STPG2: variants seen among roughly 807,000 people sequenced by gnomAD.
STPG2 encodes the protein sperm tail PG-rich repeat containing 2.
In STPG2, 56 loss-of-function variants were observed where a neutral mutation model predicts 54.2. The observed-to-expected ratio is 1.03, with a 90% CI of 0.83 to 1.29. The LOEUF is 1.29. Among genes scored for constraint, STPG2 ranks in the 50% most tolerant of loss-of-function variants. The pLI, the probability that STPG2 is intolerant of heterozygous loss-of-function variation, is 0.00. For missense variants in STPG2, 596 were observed against 544.9 expected, an observed-to-expected ratio of 1.09 and a Z score of -0.93; for synonymous variants, 200 against 181.8, an observed-to-expected ratio of 1.10 and a Z score of -0.81.
chr4:98,072,519 G>A (rs1314371999), intron 5 of STPG2, among the ~76,000 whole-genome samples: 1 of 151,212 alleles, frequency 6.6e-6, no homozygotes, highest in African/African-American at 2.4e-5. Context: ...TAACAAACCT[G>A]CACATCCTGC....
chr4:97,972,239 T>C (rs756211736), intron 7 of STPG2, 41 bp downstream of exon 7: 2 of 1,335,678 alleles, frequency 1.5e-6, no homozygotes, highest in South Asian at 1.6e-5. Context: ...AAGAGCTTGA[T>C]ATTCAACATA....
chr4:98,120,732 C>T (rs983309916), intron 3 of STPG2, among the ~76,000 whole-genome samples: 2 of 152,054 alleles, frequency 1.3e-5, no homozygotes, highest in Non-Finnish European at 2.9e-5. Flanking sequence ...CTGTTCATGT[C>T]CTTTGCCCCT....
At chr4:97,844,564 A>G (rs1471871608) in intron 8 of STPG2, among the ~76,000 whole-genome samples, 4 of 151,984 alleles carry the variant, frequency 2.6e-5, no homozygotes, top group Admixed American at 1.3e-4. Context: ...TTTCCACTAT[A>G]TAAGTTTCCT....
intron 9 of STPG2, among the ~76,000 whole-genome samples, chr4:97,757,803 T>A (rs556401788): frequency 6.6e-6 from 1 of 152,290 alleles, no homozygotes; most frequent in Non-Finnish European, 1.5e-5. Context: ...AGACAATAGC[T>A]TGAATAAGTT....
chr4:97,729,515 A>C (rs1724731553), intron 9 of STPG2, among the ~76,000 whole-genome samples: 1 of 152,198 alleles, frequency 6.6e-6, no homozygotes, highest in South Asian at 2.1e-4. Context: ...AATATATTAG[A>C]AACTGAATTT....
intron 10 of STPG2, among the ~76,000 whole-genome samples, chr4:97,666,048 A>T (rs564158969): frequency 6.6e-6 from 1 of 152,246 alleles, no homozygotes; most frequent in South Asian, 2.1e-4. Flanking sequence ...CAGCAATGGC[A>T]TGGGTGGCTG....
rs114783682 is a variant in STPG2, at chr4:97,843,981, T to C, written c.1045-3049A>G. 9.1e-3 allele frequency among the ~76,000 whole-genome samples: 1,386 copies of C among 151,794 alleles called. 20 individuals carry two copies. Among genetic ancestry groups the C allele is most frequent in the African/African-American group, 0.031 (1,285 of 41,482 alleles). On this transcript the variant is annotated intron_variant, in intron 8 of 10. Transcript: ENST00000295268. ...ATTCAGAATTTCCAACTGAATGAAA[T>C]TGGAAAAACTGTGAATTTGTATGAA...
intron 7 of STPG2, among the ~76,000 whole-genome samples, chr4:97,960,361 A>G (rs946393739): frequency 6.6e-6 from 1 of 152,134 alleles, no homozygotes; most frequent in African/African-American, 2.4e-5. Context: ...CAATCAGACA[A>G]CAGAAAGAAA....
At position 97,492,390 on chromosome 4, in the gene STPG2, C is replaced by G. The variant is rs80245772; in HGVS notation, c.462+220309G>C. On this transcript the variant is annotated intron_variant, in intron 4 of 4. Coordinates refer to the STPG2 transcript ENST00000522676. ...AATATAAACATCAAGGAGAGGGGCA[C>G]TCTTTCTCCCTGACTCCTCAGAAGT... 4.6e-5 allele frequency among the ~76,000 whole-genome samples: 7 copies of G among 151,622 alleles called. No individual in the cohort carries two copies. In the East Asian group the frequency reaches 1.4e-3, roughly 30 times the overall value.
At chr4:97,900,330 A>G (rs1350424789) in intron 8 of STPG2, among the ~76,000 whole-genome samples, 2 of 152,178 alleles carry the variant, frequency 1.3e-5, no homozygotes, top group Non-Finnish European at 2.9e-5. Flanking sequence ...ATGGGAGTGT[A>G]AATTAGTTCA....
chr4:97,548,086 A>G (rs1487888253), intron 4 of STPG2, among the ~76,000 whole-genome samples: 4 of 152,052 alleles, frequency 2.6e-5, no homozygotes, highest in Non-Finnish European at 4.4e-5. Context: ...CGAGGCGGAG[A>G]TTGTGGTGAG....
intron 9 of STPG2, among the ~76,000 whole-genome samples, chr4:97,821,308 G>C (rs2149104844): frequency 6.6e-6 from 1 of 152,230 alleles, no homozygotes; most frequent in Non-Finnish European, 1.5e-5. Flanking sequence ...CTAAATCCAG[G>C]GCAAACTGCA....
chr4:97,894,358 G>A (rs1013067720), intron 8 of STPG2, among the ~76,000 whole-genome samples: 1 of 151,834 alleles, frequency 6.6e-6, no homozygotes, highest in Non-Finnish European at 1.5e-5. Flanking sequence ...AAAATACAAT[G>A]TAGTACAATT....
intron 5 of STPG2, among the ~76,000 whole-genome samples, chr4:98,063,711 A>C (rs1560662125): frequency 6.6e-6 from 1 of 151,990 alleles, no homozygotes; most frequent in East Asian, 1.9e-4. Context: ...AGTCTATATC[A>C]AAATAAAATA....
intron 8 of STPG2, among the ~76,000 whole-genome samples, chr4:97,883,932 A>C (rs1730469647): frequency 6.6e-6 from 1 of 152,138 alleles, no homozygotes; most frequent in South Asian, 2.1e-4. Flanking sequence ...AGGAAAAGGA[A>C]GGAAGAAAGG....
intron 9 of STPG2, among the ~76,000 whole-genome samples, chr4:97,839,232 T>C (rs1386285873): frequency 6.6e-6 from 1 of 151,630 alleles, no homozygotes; most frequent in East Asian, 1.9e-4. Context: ...CATTAATCTT[T>C]TGTATTCTCA....
At chr4:98,110,289 A>G (rs749215969) in intron 3 of STPG2, among the ~76,000 whole-genome samples, 7 of 152,128 alleles carry the variant, frequency 4.6e-5, no homozygotes, top group Non-Finnish European at 5.9e-5. Flanking sequence ...CTCCCAAGAG[A>G]AAAATCCTGA....
chr4:98,121,053 C>A (rs1250463819), intron 3 of STPG2, among the ~76,000 whole-genome samples: 1 of 152,086 alleles, frequency 6.6e-6, no homozygotes, highest in Non-Finnish European at 1.5e-5. Flanking sequence ...TTTCTTTAAT[C>A]CATATCTTGA....
chr4:97,446,124 T>C (rs975362280), intron 4 of STPG2, among the ~76,000 whole-genome samples: 4 of 152,218 alleles, frequency 2.6e-5, no homozygotes, highest in African/African-American at 9.6e-5. Context: ...TAAAATAAGA[T>C]ATAATCCTAC....
Sources: allele counts gnomAD v4.1 joint callset (sites outside exome capture counted in the v4.1 genomes callset), GRCh38; gene constraint gnomAD v4.1.1; transcripts MANE v1.5; gene names NCBI Gene and HGNC (gene_info 2026-07-23, HGNC 2026-07-21).